Variants in OAF observed in about 807,000 individuals in gnomAD.
OAF encodes out at first homolog.
A neutral mutation model predicts 22.5 loss-of-function variants in OAF; 13 were observed. The observed-to-expected ratio is 0.58, with a 90% CI of 0.38 to 0.92. OAF has a LOEUF of 0.92. Among genes scored for constraint, OAF ranks in the 40% least tolerant of loss-of-function variants. The pLI is 0.00. For synonymous variants in OAF, 175 were observed against 170.5 expected, an observed-to-expected ratio of 1.03 and a Z score of -0.21; for missense variants, 347 against 381.8, an observed-to-expected ratio of 0.91 and a Z score of 0.76.
intron 1 of OAF, among the ~76,000 whole-genome samples, chr11:120,218,786 C>G (rs1341242549): frequency 6.6e-6 from 1 of 152,118 alleles, no homozygotes; most frequent in Non-Finnish European, 1.5e-5. Flanking sequence ...GCCCTGGCCC[C>G]CTTTGCTTTC....
At chr11:120,228,432 C>T (rs1175276567) in intron 3 of OAF, among the ~76,000 whole-genome samples, 3 of 152,134 alleles carry the variant, frequency 2.0e-5, no homozygotes, top group African/African-American at 7.2e-5. Context: ...CTTGTCTCCC[C>T]ACGCCTCTAT....
intron 2 of OAF, among the ~76,000 whole-genome samples, 191 bp downstream of exon 2, chr11:120,225,986 AC>A (rs1482763480): frequency 6.6e-6 from 1 of 152,014 alleles, no homozygotes; most frequent in African/African-American, 2.4e-5. Flanking sequence ...TCCTGGACCC[AC>A]TGCCCTTGAC....
In OAF at chr11:120,212,244, CGGTGGGTG is replaced by C. The variant is rs56028329; in HGVS notation, c.231+751_231+758del. On this transcript the variant is annotated intron_variant, in intron 1 of 3. Coordinates refer to ENST00000328965, the MANE Select transcript of OAF (RefSeq NM_178507.4). The stretch of plus-strand genomic sequence containing the variant: ...AGGGTTAGGGAGTTAGAGACCAGCC[CGGTGGGTG>C]GGTGGGTGGGTGGGTGTGGGTGTGT... Among the ~76,000 whole-genome samples, 195 of 97,636 alleles carry C rather than the reference CGGTGGGTG, an allele frequency of 2.0e-3. 3 individuals carry two copies. Among genetic ancestry groups the C allele is most frequent in the African/African-American group, 6.7e-3 (156 of 23,408 alleles). The allele number at this position is 97,636 out of a possible 152,430, so 64.1% of individuals were successfully genotyped here. A position where few individuals can be genotyped will look rare whatever the true frequency, so the allele number is the denominator to read the frequency against.
In OAF at chr11:120,225,717, G is replaced by A. The variant is rs1034002922; in HGVS notation, c.288G>A (p.Gln96=). The stretch of plus-strand genomic sequence containing the variant: ...GGGAGCTGGAGAAGGGGCAGAGTCA[G>A]TTCCAGGCCCTCTGCTTTGTCACCC... ...ILGELEKGQS[Q]FQALCFVTQL... Residue 96 remains glutamine (Q), a synonymous_variant, in exon 2 of 4, where the codon CAG becomes CAA. Coordinates refer to ENST00000328965, the MANE Select transcript of OAF (RefSeq NM_178507.4). 1 of 1,606,224 alleles carries A rather than the reference G, an allele frequency of 6.2e-7. No individual in the cohort carries two copies. Among genetic ancestry groups the A allele is most frequent in the Non-Finnish European group, 8.5e-7 (1 of 1,176,302 alleles).
intron 3 of OAF, 46 bp downstream of exon 3, chr11:120,227,042 G>C: frequency 6.9e-7 from 1 of 1,447,366 alleles, no homozygotes; most frequent in Non-Finnish European, 9.5e-7. Flanking sequence ...GGAGGGAAGG[G>C]GACAGGGAGA....
intron 1 of OAF, among the ~76,000 whole-genome samples, chr11:120,220,812 A>G (rs1565342220): frequency 6.6e-6 from 1 of 152,202 alleles, no homozygotes; most frequent in African/African-American, 2.4e-5. Flanking sequence ...GGGAAGTGCA[A>G]CAGTTGCTGT....
chr11:120,222,487 C>T (rs1349675533), intron 1 of OAF, among the ~76,000 whole-genome samples: 1 of 149,650 alleles, frequency 6.7e-6, no homozygotes, highest in Non-Finnish European at 1.5e-5. Flanking sequence ...GCCTGGGAGG[C>T]GGAAGTTGCA....
chr11:120,211,108 G>A lies in OAF; in HGVS notation c.-172G>A, dbSNP rs1938135323. 2 of 231,936 alleles carry A rather than the reference G, an allele frequency of 8.6e-6. No homozygotes were observed. The highest frequency in any genetic ancestry group is 2.3e-5 in the African/African-American group (1 of 43,216). 14.4% of individuals were successfully genotyped at this position (231,936 alleles called of 1,614,324 possible). A position where few individuals can be genotyped will look rare whatever the true frequency, so the allele number is the denominator to read the frequency against. ...GGGGCCGCCGGGGGCGCCCTGCTGA[G>A]CGCTACCCACGTGCGTCCGCGCCAC... On this transcript the variant is annotated 5_prime_UTR_variant, in exon 1 of 4. Transcript: ENST00000328965.
At chr11:120,211,558 C>G in intron 1 of OAF, 48 bp downstream of exon 1, 1 of 1,316,852 alleles carries the variant, frequency 7.6e-7, no homozygotes, top group Non-Finnish European at 1.0e-6. Context: ...CCTGAGCCCC[C>G]CGGGATCCCA....
Position 120,211,205 on chromosome 11 carries a change from T to C in OAF, c.-75T>C, listed in dbSNP as rs1428566051. On this transcript the variant is annotated 5_prime_UTR_variant, in exon 1 of 4. Coordinates refer to ENST00000328965, the MANE Select transcript of OAF (RefSeq NM_178507.4). ...GGCGCCCCGAACTAGCCCCCAACTT[T>C]GGGCGAAGTTTGCCTGCGCCTCTCC... 3 of 1,040,098 alleles carry C rather than the reference T, an allele frequency of 2.9e-6. No homozygotes were observed. The highest frequency in any genetic ancestry group is 1.7e-5 in the African/African-American group (1 of 58,980). 64.4% of individuals were successfully genotyped at this position (1,040,098 alleles called of 1,614,324 possible).
intron 1 of OAF, among the ~76,000 whole-genome samples, chr11:120,214,777 G>A (rs1258179296): frequency 2.6e-5 from 4 of 152,220 alleles, no homozygotes; most frequent in Admixed American, 1.3e-4. Flanking sequence ...CCCACTGGAG[G>A]ACACATAGCC....
intron 1 of OAF, among the ~76,000 whole-genome samples, chr11:120,211,945 A>T (rs1356877331): frequency 6.6e-6 from 1 of 151,998 alleles, no homozygotes; most frequent in Non-Finnish European, 1.5e-5. Flanking sequence ...TGTACAGGGC[A>T]CTGAGGGGTC....
chr11:120,226,637 G>T (rs1032442158), intron 2 of OAF, among the ~76,000 whole-genome samples, 179 bp from the exon 3 acceptor site: 2 of 152,248 alleles, frequency 1.3e-5, no homozygotes, highest in African/African-American at 4.8e-5. Context: ...GAAAAGGCTC[G>T]ACTGTACTCT....
chr11:120,224,073 G>C (rs1285102264), intron 1 of OAF, among the ~76,000 whole-genome samples: 1 of 152,200 alleles, frequency 6.6e-6, no homozygotes, highest in Non-Finnish European at 1.5e-5. Context: ...AGGAAGCAGG[G>C]GTTGGCTGAG....
intron 1 of OAF, among the ~76,000 whole-genome samples, chr11:120,220,031 G>A (rs1478269551): frequency 6.6e-6 from 1 of 152,228 alleles, no homozygotes; most frequent in Admixed American, 6.5e-5. Context: ...ATGTGAATAG[G>A]CTAGAGTCGC....
At chr11:120,222,065 A>T (rs61898287) in intron 1 of OAF, among the ~76,000 whole-genome samples, 6,873 of 152,196 alleles carry the variant, frequency 0.045, 217 homozygotes, top group Admixed American at 0.11. Context: ...TTAGCATCTG[A>T]GGGGACTTTC....
At chr11:120,223,763 A>C (rs781414328) in intron 1 of OAF, among the ~76,000 whole-genome samples, 1 of 152,216 alleles carries the variant, frequency 6.6e-6, no homozygotes, top group African/African-American at 2.4e-5. Flanking sequence ...ATTGGAGAAG[A>C]TGCTGTGAAT....
At chr11:120,215,049 G>A (rs534848945) in intron 1 of OAF, among the ~76,000 whole-genome samples, 9 of 152,310 alleles carry the variant, frequency 5.9e-5, no homozygotes, top group East Asian at 3.9e-4. Flanking sequence ...GGCAGCAGTC[G>A]TTTTGGTTTT....
chr11:120,227,242 G>T lies in OAF; in HGVS notation c.547+246G>T, dbSNP rs139934344. Among the ~76,000 whole-genome samples, 957 of 152,002 alleles carry T rather than the reference G, an allele frequency of 6.3e-3. 12 individuals carry two copies. Among genetic ancestry groups the T allele is most frequent in the African/African-American group, 0.022 (915 of 41,442 alleles). ...GCAGGGTAGATCTGCACAGAGTTAA[G>T]TGTGATAGAATACCATGATAGCTAC... On this transcript the variant is annotated intron_variant, in intron 3 of 3. Transcript: ENST00000328965.
Sources: allele counts gnomAD v4.1 joint callset (sites outside exome capture counted in the v4.1 genomes callset), GRCh38; gene constraint gnomAD v4.1.1; transcripts MANE v1.5; gene names NCBI Gene and HGNC (gene_info 2026-07-23, HGNC 2026-07-21).